Variants in AIG1 observed in about 807,000 individuals in gnomAD.
AIG1 encodes the protein androgen induced 1, also known as androgen-induced gene 1 protein.
In AIG1, 23 loss-of-function variants were observed where a neutral mutation model predicts 31.4. The observed-to-expected ratio is 0.73, with a 90% confidence interval of 0.53 to 1.04. The LOEUF (loss-of-function observed/expected upper bound fraction) is 1.04. Among genes scored for constraint, AIG1 ranks in the 50% least tolerant of loss-of-function variants. The probability of loss-of-function intolerance (pLI) is 0.00; values close to 1 mark genes in which losing one functional copy is unlikely to be tolerated. For synonymous variants in AIG1, 100 were observed against 110.5 expected, an observed-to-expected ratio of 0.90 and a Z score of 0.60; for missense variants, 274 against 295.0, an observed-to-expected ratio of 0.93 and a Z score of 0.52.
At chr6:143,114,426 G>A (rs535060604) in intron 1 of AIG1, among the ~76,000 whole-genome samples, 2 of 152,282 alleles carry the variant, frequency 1.3e-5, no homozygotes, top group African/African-American at 2.4e-5. Flanking sequence ...GTTCTCAGAC[G>A]TATGAATGGA....
chr6:143,127,687 C>A (rs1256372835), intron 1 of AIG1, among the ~76,000 whole-genome samples: 1 of 151,488 alleles, frequency 6.6e-6, no homozygotes, highest in Non-Finnish European at 1.5e-5. Context: ...TTGGTGCTGA[C>A]CTTTCTTGTT....
chr6:143,190,343 C>T, intron 3 of AIG1: 3 of 985,448 alleles, frequency 3.0e-6, no homozygotes, highest in East Asian at 1.1e-4. Flanking sequence ...GCTTGAGGCT[C>T]CTCATGCCCT....
At chr6:143,103,300 A>G (rs1001311481) in intron 1 of AIG1, among the ~76,000 whole-genome samples, 1 of 152,068 alleles carries the variant, frequency 6.6e-6, no homozygotes, top group African/African-American at 2.4e-5. Context: ...ACCCCTTCCA[A>G]TTATTGTTGG....
At chr6:143,175,598 A>G (rs899044451) in intron 3 of AIG1, among the ~76,000 whole-genome samples, 1 of 151,998 alleles carries the variant, frequency 6.6e-6, no homozygotes. Context: ...CAGTTCTATT[A>G]CTGAGACTTT....
chr6:143,308,063 C>T (rs1387528648), intron 4 of AIG1, among the ~76,000 whole-genome samples: 2 of 152,198 alleles, frequency 1.3e-5, no homozygotes, highest in Non-Finnish European at 2.9e-5. Context: ...ATCGGAGAAG[C>T]GCAGTATTGG....
chr6:143,084,528 A>G (rs1447868415), intron 1 of AIG1, among the ~76,000 whole-genome samples: 2 of 152,108 alleles, frequency 1.3e-5, no homozygotes, highest in Non-Finnish European at 2.9e-5. Flanking sequence ...CTCTATTATA[A>G]AAAACCGAGG....
At chr6:143,310,413 T>C (rs1583828823) in intron 4 of AIG1, among the ~76,000 whole-genome samples, 1 of 151,836 alleles carries the variant, frequency 6.6e-6, no homozygotes, top group East Asian at 1.9e-4. Context: ...AAATAAGAAG[T>C]GGCAAGAGAA....
intron 2 of AIG1, among the ~76,000 whole-genome samples, chr6:143,163,661 G>GCA (rs1375445592): frequency 6.6e-6 from 1 of 152,098 alleles, no homozygotes; most frequent in Admixed American, 6.6e-5. Flanking sequence ...GTTATCCACA[G>GCA]CAGTGCCCCA....
chr6:143,141,196 CT>C (rs1384083972), intron 2 of AIG1, among the ~76,000 whole-genome samples: 2 of 152,318 alleles, frequency 1.3e-5, no homozygotes, highest in East Asian at 3.9e-4. Context: ...CTATTGGCCC[CT>C]GAGCTTTTCC....
At chr6:143,318,167 C>T (rs1775918940) in intron 4 of AIG1, among the ~76,000 whole-genome samples, 2 of 150,896 alleles carry the variant, frequency 1.3e-5, no homozygotes, top group African/African-American at 4.9e-5. Context: ...CATATGAAAC[C>T]AAAAAAATGC....
intron 3 of AIG1, among the ~76,000 whole-genome samples, chr6:143,261,628 A>G (rs990162945): frequency 6.6e-6 from 1 of 152,168 alleles, no homozygotes; most frequent in Non-Finnish European, 1.5e-5. Context: ...CCTTTCCTCT[A>G]TGCAATTTTT....
intron 4 of AIG1, among the ~76,000 whole-genome samples, chr6:143,318,243 C>T (rs1447192784): frequency 2.6e-5 from 4 of 152,064 alleles, no homozygotes; most frequent in Non-Finnish European, 5.9e-5. Flanking sequence ...TACTGTAAGG[C>T]CATAGTCACC....
intron 3 of AIG1, among the ~76,000 whole-genome samples, chr6:143,245,133 T>C (rs1794528596): frequency 6.6e-6 from 1 of 152,196 alleles, no homozygotes; most frequent in Admixed American, 6.5e-5. Flanking sequence ...CAGTAAAACA[T>C]TGAACATTAC....
intron 3 of AIG1, among the ~76,000 whole-genome samples, chr6:143,166,053 G>A (rs570308082): frequency 6.6e-6 from 1 of 152,270 alleles, no homozygotes; most frequent in East Asian, 1.9e-4. Flanking sequence ...GAAATCATGA[G>A]TCTTGAGTAC....
chr6:143,060,331 A>ACCC (rs1207734077), upstream of AIG1, among the ~76,000 whole-genome samples: 148 of 152,274 alleles, frequency 9.7e-4, 2 homozygotes, highest in African/African-American at 3.4e-3. Flanking sequence ...GCTCGGGTTT[A>ACCC]CACCCCACGT....
chr6:143,342,424 T>A, downstream of AIG1: 4 of 751,588 alleles, frequency 5.3e-6, no homozygotes, highest in East Asian at 2.4e-5. Context: ...CCCAGTAAGG[T>A]TGAACCTCGA....
intron 1 of AIG1, among the ~76,000 whole-genome samples, chr6:143,080,112 C>T (rs1052079191): frequency 6.6e-6 from 1 of 152,190 alleles, no homozygotes; most frequent in African/African-American, 2.4e-5. Context: ...GGAAATCCAG[C>T]TAGTCCTGTC....
At chr6:143,097,684 T>C (rs1299494412) in intron 1 of AIG1, among the ~76,000 whole-genome samples, 1 of 152,204 alleles carries the variant, frequency 6.6e-6, no homozygotes, top group Admixed American at 6.5e-5. Flanking sequence ...CATCCCTCTC[T>C]AATCCTCTCA....
rs564084657 is a variant in AIG1, at chr6:143,325,138, T to C, written c.516-8144T>C. Among the ~76,000 whole-genome samples the C allele has an allele frequency of 4.1e-4, 63 of 152,228 alleles. No individual in the cohort carries two copies. The highest frequency in any genetic ancestry group is 8.1e-4 in the Non-Finnish European group (55 of 68,038). ...ATTCTCTATGAAGACCCTGTGCTAA[T>C]AGATGCTGTCTACCTTTGAACCACT... On this transcript the variant is annotated intron_variant, in intron 4 of 5. Coordinates refer to ENST00000357847, the MANE Select transcript of AIG1 (RefSeq NM_016108.4). The surrounding 1 kb of genome is among the most constrained non-coding windows in gnomAD (Gnocchi z 4.3).
Sources: gnomAD v4.1 joint callset for allele counts (sites outside exome capture counted in the v4.1 genomes callset) on GRCh38, gnomAD v4.1.1 for gene constraint, Gnocchi (gnomAD v3.1) non-coding constraint, MANE v1.5 for transcripts, NCBI Gene and HGNC (gene_info 2026-07-23, HGNC 2026-07-21) for gene names.